The following ARHGAP18 variants were observed in gnomAD, a reference collection of about 807,000 sequenced individuals.
ARHGAP18 encodes the protein rho GTPase-activating protein 18.
In ARHGAP18, 67 loss-of-function variants were observed where a neutral mutation model predicts 86.2. The ratio of observed to expected loss-of-function variants is 0.78; its 90% CI spans 0.64 to 0.95. ARHGAP18 has a LOEUF of 0.95. Among genes scored for constraint, ARHGAP18 ranks in the 40% least tolerant of loss-of-function variants. ARHGAP18 has a pLI of 0.00. For missense variants in ARHGAP18, 691 were observed against 780.4 expected (o/e 0.89, Z 1.37); for synonymous variants, 283 against 280.4 (o/e 1.01, Z -0.09).
At chr6:129,634,347 G>C (rs1162883890) in intron 3 of ARHGAP18, among the ~76,000 whole-genome samples, 2 of 152,094 alleles carry the variant, frequency 1.3e-5, no homozygotes, top group East Asian at 3.9e-4. Context: ...AGTCACGAGT[G>C]GGTCCCTGTC....
chr6:129,688,028 G>C (rs1440609146), intron 1 of ARHGAP18, among the ~76,000 whole-genome samples: 1 of 152,148 alleles, frequency 6.6e-6, no homozygotes, highest in Non-Finnish European at 1.5e-5. Context: ...GAGCAATTGG[G>C]TATTCTGAAG....
rs1051903762 is a variant in ARHGAP18 at position 129,589,719 on chromosome 6, G to A, written c.1714-5607C>T. Among the ~76,000 whole-genome samples the A allele has an allele frequency of 5.9e-5, 9 of 152,146 alleles. No individual in the cohort carries two copies. The South Asian group carries it at 8.3e-4, about 14-fold the overall frequency. On this transcript the variant is annotated intron_variant, in intron 12 of 14. Coordinates refer to ENST00000368149, the MANE Select transcript of ARHGAP18 (RefSeq NM_033515.3). Reference sequence around the variant, plus strand: ...ATCGGTACCAATATCTGTATTAGTCGTGGTTCTTGAAAAGGACAGAACTCA... The same window carrying A: ...ATCGGTACCAATATCTGTATTAGTCATGGTTCTTGAAAAGGACAGAACTCA...
chr6:129,663,588 C>G (rs1304968971), intron 1 of ARHGAP18, among the ~76,000 whole-genome samples: 2 of 152,164 alleles, frequency 1.3e-5, no homozygotes, highest in African/African-American at 4.8e-5. Flanking sequence ...GACTCCCAGT[C>G]AGGAAACAGC....
intron 1 of ARHGAP18, among the ~76,000 whole-genome samples, chr6:129,693,174 A>C (rs953059762): frequency 2.6e-5 from 4 of 152,322 alleles, no homozygotes; most frequent in Admixed American, 2.0e-4. Context: ...ATTTCAGTGG[A>C]AAGTTCTCAT....
chr6:129,611,946 A>C (rs1788989053), intron 7 of ARHGAP18, among the ~76,000 whole-genome samples: 1 of 152,238 alleles, frequency 6.6e-6, no homozygotes. Flanking sequence ...AGAAACCTAC[A>C]TTCTGCAATC....
Position 129,708,935 on chromosome 6 carries a change from T to C in ARHGAP18, c.113+1089A>G, listed in dbSNP as rs1012067773. Among the ~76,000 whole-genome samples, 5 of 152,224 alleles carry C rather than the reference T, an allele frequency of 3.3e-5. No homozygotes were observed. In the South Asian group the frequency reaches 1.0e-3, roughly 31 times the overall value. ...TTGGAAATGAATTCATTCAATGAAA[T>C]ACATACTGTGGATGCTATGTGAGAA... On this transcript the variant is annotated intron_variant, in intron 1 of 14. Transcript: ENST00000368149.
intron 1 of ARHGAP18, among the ~76,000 whole-genome samples, chr6:129,647,175 T>A (rs1292175933): frequency 6.6e-6 from 1 of 152,190 alleles, no homozygotes; most frequent in Non-Finnish European, 1.5e-5. Flanking sequence ...TGTTAATCAT[T>A]TGCTGGTGTC....
chr6:129,623,001 C>CAAAA (rs1562694846), intron 5 of ARHGAP18, among the ~76,000 whole-genome samples: 3 of 15,392 alleles, frequency 1.9e-4, no homozygotes, highest in Non-Finnish European at 2.9e-4. Context: ...AACTCCATCT[C>CAAAA]AAAACAAAAA....
chr6:129,709,784 TAGCC>T, intron 1 of ARHGAP18, among the ~76,000 whole-genome samples: 1 of 152,348 alleles, frequency 6.6e-6, no homozygotes, highest in African/African-American at 2.4e-5. Flanking sequence ...ACAGCCCATA[TAGCC>T]CTCTCCCCAG....
At chr6:129,653,978 G>A (rs1773774864) in intron 1 of ARHGAP18, among the ~76,000 whole-genome samples, 1 of 152,166 alleles carries the variant, frequency 6.6e-6, no homozygotes, top group South Asian at 2.1e-4. Flanking sequence ...AGAACTTCAA[G>A]GCTACAGTGA....
At chr6:129,678,726 T>A (rs1057436964) in intron 1 of ARHGAP18, among the ~76,000 whole-genome samples, 7 of 152,228 alleles carry the variant, frequency 4.6e-5, no homozygotes, top group African/African-American at 1.7e-4. Flanking sequence ...CTGAGCTTTG[T>A]AGTATTAAAT....
At chr6:129,646,799 T>C (rs1773589313) in intron 1 of ARHGAP18, among the ~76,000 whole-genome samples, 1 of 152,054 alleles carries the variant, frequency 6.6e-6, no homozygotes, top group African/African-American at 2.4e-5. Context: ...AGAGTGAGAG[T>C]GAAAGAGGCA....
At chr6:129,608,558 G>A (rs1260925610) in intron 8 of ARHGAP18, among the ~76,000 whole-genome samples, 5 of 152,074 alleles carry the variant, frequency 3.3e-5, no homozygotes, top group South Asian at 4.1e-4. Context: ...TATAGTAAAC[G>A]AGGCAAGAAA....
At chr6:129,682,753 T>A (rs1774345031) in intron 1 of ARHGAP18, among the ~76,000 whole-genome samples, 1 of 152,236 alleles carries the variant, frequency 6.6e-6, no homozygotes, top group African/African-American at 2.4e-5. Flanking sequence ...AATGCCTTGA[T>A]GAGTTTATAG....
chr6:129,687,789 A>AT (rs5879961), intron 1 of ARHGAP18, among the ~76,000 whole-genome samples: 74,286 of 151,534 alleles, frequency 0.49, 18,402 homozygotes, highest in Admixed American at 0.56. Context: ...GTAACCAAAC[A>AT]TTTTTTTTTA....
At chr6:129,603,979 C>T (rs1454987663) in intron 10 of ARHGAP18, among the ~76,000 whole-genome samples, 3 of 152,156 alleles carry the variant, frequency 2.0e-5, no homozygotes, top group Middle Eastern at 3.2e-3. Flanking sequence ...GGGAATTTTG[C>T]GTTAGACTTC....
At chr6:129,633,884 AT>A (rs1483192607) in intron 4 of ARHGAP18, among the ~76,000 whole-genome samples, 157 bp downstream of exon 4, 1 of 152,174 alleles carries the variant, frequency 6.6e-6, no homozygotes, top group Non-Finnish European at 1.5e-5. Flanking sequence ...AAGGCCAGCT[AT>A]ATGCTCAGCC....
chr6:129,624,951 T>A lies in ARHGAP18; in HGVS notation c.786+4402A>T, dbSNP rs188472539. On this transcript the variant is annotated intron_variant, in intron 5 of 14. Coordinates refer to ENST00000368149, the MANE Select transcript of ARHGAP18 (RefSeq NM_033515.3). ...CAAGAGTGAAACTCCATTTCAAAAA[T>A]ATATATATATATGATATATATTTAT... Among the ~76,000 whole-genome samples the A allele has an allele frequency of 1.3e-3, 175 of 133,038 alleles. 1 individual carries two copies. The highest frequency in any genetic ancestry group is 0.012 in the South Asian group (54 of 4,560). 87.3% of individuals were successfully genotyped at this position (133,038 alleles called of 152,430 possible). A position where few individuals can be genotyped will look rare whatever the true frequency, so the allele number is the denominator to read the frequency against.
At chr6:129,655,717 A>G (rs1158680796) in intron 1 of ARHGAP18, among the ~76,000 whole-genome samples, 1 of 152,218 alleles carries the variant, frequency 6.6e-6, no homozygotes, top group Non-Finnish European at 1.5e-5. Context: ...TTATAAGACA[A>G]ATATTGTTAA....
Sources: gnomAD v4.1 joint callset for allele counts (sites outside exome capture counted in the v4.1 genomes callset) on GRCh38, gnomAD v4.1.1 for gene constraint, MANE v1.5 for transcripts, NCBI Gene and HGNC (gene_info 2026-07-23, HGNC 2026-07-21) for gene names.